The following TSPAN9 variants were observed in gnomAD, a reference collection of about 807,000 sequenced individuals.
TSPAN9 encodes the protein tetraspanin 9, also known as tetraspanin-9.
Under a neutral mutation model 31.0 loss-of-function variants are expected in TSPAN9, and 16 were observed. The observed-to-expected ratio is 0.52, with a 90% CI of 0.35 to 0.78. The LOEUF (loss-of-function observed/expected upper bound fraction) is 0.78. TSPAN9 is among the 30% of genes least tolerant of loss of function. The pLI, the probability that TSPAN9 is intolerant of heterozygous loss-of-function variation, is 0.01. For synonymous variants in TSPAN9, 145 were observed against 121.6 expected (o/e 1.19, Z -1.27); for missense variants, 272 against 312.5 (o/e 0.87, Z 0.98).
intron 3 of TSPAN9, among the ~76,000 whole-genome samples, chr12:3,246,737 G>C (rs913621447): frequency 6.6e-6 from 1 of 152,158 alleles, no homozygotes; most frequent in African/African-American, 2.4e-5. Context: ...TGGCTGTTCA[G>C]ATCCATCTGG....
At chr12:3,263,332 TAGTC>T (rs1332081737) in intron 3 of TSPAN9, among the ~76,000 whole-genome samples, 4 of 152,198 alleles carry the variant, frequency 2.6e-5, no homozygotes, top group Admixed American at 2.0e-4. Context: ...TGGCAGCACA[TAGTC>T]AGTGAGCCGT....
intron 3 of TSPAN9, among the ~76,000 whole-genome samples, chr12:3,242,796 C>T (rs141892698): frequency 6.6e-6 from 1 of 152,356 alleles, no homozygotes; most frequent in Non-Finnish European, 1.5e-5. Flanking sequence ...ACCTGCTGAT[C>T]TCCCAAGGAC....
At chr12:3,211,064 AGT>A (rs2098378421) in intron 3 of TSPAN9, among the ~76,000 whole-genome samples, 1 of 152,164 alleles carries the variant, frequency 6.6e-6, no homozygotes, top group East Asian at 1.9e-4. Flanking sequence ...ACAGCCTGGT[AGT>A]AAGACAGTGC....
chr12:3,197,094 C>T (rs1444599248), intron 2 of TSPAN9, among the ~76,000 whole-genome samples: 3 of 152,156 alleles, frequency 2.0e-5, no homozygotes, highest in African/African-American at 7.2e-5. Flanking sequence ...CTTGTAACAC[C>T]TCTAGGGGGT....
chr12:3,113,673 C>T (rs563058202), intron 2 of TSPAN9, among the ~76,000 whole-genome samples: 85 of 152,188 alleles, frequency 5.6e-4, no homozygotes, highest in Non-Finnish European at 1.1e-3. Context: ...TGACACAGAC[C>T]TGGAGCTGTG....
intron 3 of TSPAN9, among the ~76,000 whole-genome samples, chr12:3,238,603 T>C (rs571437898): frequency 9.2e-5 from 14 of 152,352 alleles, no homozygotes; most frequent in Non-Finnish European, 1.8e-4. Context: ...TTGGGGCTTG[T>C]TGGGTTTAGA....
At chr12:3,100,293 G>C (rs1368561524) in intron 2 of TSPAN9, among the ~76,000 whole-genome samples, 1 of 152,048 alleles carries the variant, frequency 6.6e-6, no homozygotes, top group African/African-American at 2.4e-5. Context: ...AGAGAGTCTG[G>C]GTACTCTTCT....
chr12:3,176,220 C>G (rs1300372722), intron 2 of TSPAN9, among the ~76,000 whole-genome samples: 2 of 152,250 alleles, frequency 1.3e-5, no homozygotes, highest in African/African-American at 4.8e-5. Flanking sequence ...CAGCATCGAG[C>G]CTTACGGAGC....
At chr12:3,208,886 A>T (rs552639975) in intron 3 of TSPAN9, among the ~76,000 whole-genome samples, 2 of 152,306 alleles carry the variant, frequency 1.3e-5, no homozygotes, top group East Asian at 3.9e-4. Context: ...GGCATCATTT[A>T]GTTTGACTGA....
intron 4 of TSPAN9, 121 bp downstream of exon 4, chr12:3,278,733 G>A (rs567406729): frequency 7.3e-7 from 1 of 1,361,410 alleles, no homozygotes; most frequent in East Asian, 2.4e-5. Flanking sequence ...CAGGGAAACT[G>A]CTTCTAGAAC....
At chr12:3,212,983 A>G (rs2098379529) in intron 3 of TSPAN9, among the ~76,000 whole-genome samples, 1 of 141,456 alleles carries the variant, frequency 7.1e-6, no homozygotes, top group Non-Finnish European at 1.5e-5. Context: ...GAGGGTGGAG[A>G]AGGAGAAGGC....
chr12:3,255,416 A>G (rs1268857554), intron 3 of TSPAN9, among the ~76,000 whole-genome samples: 4 of 152,198 alleles, frequency 2.6e-5, no homozygotes, highest in African/African-American at 9.6e-5. Flanking sequence ...GATCAGGGCA[A>G]CTGAAAAAGG....
At chr12:3,213,522 G>A (rs566406249) in intron 3 of TSPAN9, among the ~76,000 whole-genome samples, 53 of 152,290 alleles carry the variant, frequency 3.5e-4, no homozygotes, top group African/African-American at 1.2e-3. Flanking sequence ...GGGACCCTCA[G>A]GAGAGAGCAA....
chr12:3,210,844 C>G (rs1369451617), intron 3 of TSPAN9, among the ~76,000 whole-genome samples: 1 of 151,330 alleles, frequency 6.6e-6, no homozygotes, highest in African/African-American at 2.4e-5. Flanking sequence ...TCTCTAGGCT[C>G]AAGTGATCCT....
rs191967869 is a variant in TSPAN9 at position 3,217,905 on chromosome 12, C to T, written c.63+16649C>T. Among the ~76,000 whole-genome samples, 181 of 152,094 alleles carry T rather than the reference C, an allele frequency of 1.2e-3. 2 individuals carry two copies. The highest frequency in any genetic ancestry group is 1.1e-3 in the Non-Finnish European group (78 of 67,986). The stretch of plus-strand genomic sequence containing the variant: ...AGGTGCTTAACTTTTAGAACCTTGA[C>T]CTTCTCATCTATAAAATGGGTTGAT... On this transcript the variant is annotated intron_variant, in intron 3 of 8. Transcript: ENST00000011898.
At chr12:3,121,352 CTTTTTTTTTT>C (rs59198394) in intron 2 of TSPAN9, among the ~76,000 whole-genome samples, 9 of 108,290 alleles carry the variant, frequency 8.3e-5, no homozygotes, top group African/African-American at 2.1e-4. Context: ...GGGATGTTGG[CTTTTTTTTTT>C]TTTTTTTTTT....
At chr12:3,265,428 G>T (rs994275053) in intron 3 of TSPAN9, among the ~76,000 whole-genome samples, 1 of 152,192 alleles carries the variant, frequency 6.6e-6, no homozygotes, top group Non-Finnish European at 1.5e-5. Context: ...AAATGGCAAA[G>T]CATTGTTATT....
chr12:3,100,076 C>T (rs1182676453), intron 2 of TSPAN9, among the ~76,000 whole-genome samples: 4 of 152,008 alleles, frequency 2.6e-5, no homozygotes, highest in African/African-American at 4.8e-5. Flanking sequence ...CTCCTGACCT[C>T]ATGGTGATCC....
At chr12:3,245,534 A>G (rs1346651661) in intron 3 of TSPAN9, among the ~76,000 whole-genome samples, 1 of 152,158 alleles carries the variant, frequency 6.6e-6, no homozygotes, top group Admixed American at 6.5e-5. Context: ...ATGACCTCGG[A>G]ACATCTCCTT....
Sources: allele counts gnomAD v4.1 joint callset (sites outside exome capture counted in the v4.1 genomes callset), GRCh38; gene constraint gnomAD v4.1.1; transcripts MANE v1.5; gene names NCBI Gene and HGNC (gene_info 2026-07-23, HGNC 2026-07-21).